The following MARCHF1 variants were observed in gnomAD, a reference collection of about 807,000 sequenced individuals.
The protein encoded by MARCHF1 is E3 ubiquitin-protein ligase MARCHF1.
A neutral mutation model predicts 54.2 loss-of-function variants in MARCHF1; 40 were observed. The observed-to-expected ratio is 0.74, with a 90% CI of 0.57 to 0.96. MARCHF1 has a LOEUF of 0.96. Ranked by LOEUF, MARCHF1 falls within the 40% of genes least tolerant of loss-of-function variation. MARCHF1 has a pLI of 0.00. For synonymous variants in MARCHF1, 236 were observed against 236.3 expected (o/e 1.00, Z 0.01); for missense variants, 586 against 656.5 (o/e 0.89, Z 1.17).
chr4:163,530,613 A>G (rs756427804), intron 9 of MARCHF1: 10 of 151,792 alleles, frequency 6.6e-5, no homozygotes, highest in Non-Finnish European at 1.5e-4. Flanking sequence ...AAAGCCTCTC[A>G]CTGTTGTTGA....
chr4:163,546,413 A>G (rs921652180), intron 8 of MARCHF1, among the ~76,000 whole-genome samples: 4 of 152,246 alleles, frequency 2.6e-5, no homozygotes, highest in Non-Finnish European at 4.4e-5. Context: ...ATATTGAACA[A>G]TTAAAAACTT....
chr4:164,271,881 C>T (rs1166501241), intron 1 of MARCHF1, among the ~76,000 whole-genome samples: 3 of 151,958 alleles, frequency 2.0e-5, no homozygotes, highest in African/African-American at 7.2e-5. Flanking sequence ...AACTGTAATA[C>T]TTGCAACATA....
At chr4:164,117,625 C>T (rs1048497199) in intron 1 of MARCHF1, among the ~76,000 whole-genome samples, 2 of 152,016 alleles carry the variant, frequency 1.3e-5, no homozygotes, top group Admixed American at 6.5e-5. Flanking sequence ...TGAAGCTGGG[C>T]ACGGTGGCTC....
At chr4:164,327,330 G>A (rs942680312) in intron 1 of MARCHF1, among the ~76,000 whole-genome samples, 12 of 152,102 alleles carry the variant, frequency 7.9e-5, no homozygotes, top group African/African-American at 1.7e-4. Flanking sequence ...CTGTTGAGAC[G>A]AGTCTTAAAG....
chr4:163,798,093 A>G lies in MARCHF1; in HGVS notation c.111+55928T>C, dbSNP rs572934862. On this transcript the variant is annotated intron_variant, in intron 4 of 9. Coordinates refer to ENST00000514618, the MANE Select transcript of MARCHF1 (RefSeq NM_001394959.1). ...TCATATATCAAAACCCTAATCACCA[A>G]TGTGGCTTATATTTGGATATAAGGC... Among the ~76,000 whole-genome samples the G allele has an allele frequency of 3.3e-5, 5 of 152,318 alleles. No homozygotes were observed. In the South Asian group the frequency reaches 8.3e-4, roughly 25 times the overall value.
At chr4:163,871,232 T>C (rs1750161922) in intron 3 of MARCHF1, among the ~76,000 whole-genome samples, 1 of 152,114 alleles carries the variant, frequency 6.6e-6, no homozygotes, top group African/African-American at 2.4e-5. Context: ...ACAGAGAAGG[T>C]ATTTTTCTTT....
intron 4 of MARCHF1, among the ~76,000 whole-genome samples, chr4:163,706,202 T>G (rs566725248): frequency 6.6e-6 from 1 of 152,146 alleles, no homozygotes; most frequent in South Asian, 2.1e-4. Flanking sequence ...TCCCATATAA[T>G]TTCTTACATG....
intron 1 of MARCHF1, among the ~76,000 whole-genome samples, chr4:164,255,060 CT>C (rs1335711753): frequency 6.6e-6 from 1 of 152,126 alleles, no homozygotes; most frequent in Non-Finnish European, 1.5e-5. Flanking sequence ...TGTTATAGAA[CT>C]ATACACATAC....
chr4:164,189,821 T>C (rs775462983), intron 1 of MARCHF1: 2 of 1,591,408 alleles, frequency 1.3e-6, no homozygotes, highest in Non-Finnish European at 1.7e-6. Context: ...GTACATTTGA[T>C]CTGACTGGAA....
At chr4:164,195,747 C>CCCTAT (rs1287065363) in intron 1 of MARCHF1, among the ~76,000 whole-genome samples, 2 of 152,224 alleles carry the variant, frequency 1.3e-5, no homozygotes, top group Non-Finnish European at 2.9e-5. Flanking sequence ...CACATATGGT[C>CCCTAT]CCTAGCTTGT....
chr4:164,099,035 C>A (rs949963641), intron 2 of MARCHF1, among the ~76,000 whole-genome samples: 19 of 152,172 alleles, frequency 1.2e-4, no homozygotes, highest in Non-Finnish European at 2.1e-4. Context: ...TGTGGAAAAT[C>A]ATTGAACCTC....
chr4:164,194,634 T>C (rs1354460412), intron 1 of MARCHF1, among the ~76,000 whole-genome samples: 1 of 152,198 alleles, frequency 6.6e-6, no homozygotes, highest in Non-Finnish European at 1.5e-5. Flanking sequence ...CACTGACTAA[T>C]ATCAAATGTT....
chr4:163,548,236 CAG>C (rs1174924086), intron 8 of MARCHF1, among the ~76,000 whole-genome samples: 13 of 152,156 alleles, frequency 8.5e-5, no homozygotes, highest in South Asian at 2.1e-4. Context: ...TTAATACAGA[CAG>C]ATAAAAAGTG....
At chr4:163,602,360 G>C (rs114524632) in intron 7 of MARCHF1, among the ~76,000 whole-genome samples, 141 of 152,146 alleles carry the variant, frequency 9.3e-4, no homozygotes, top group African/African-American at 3.1e-3. Flanking sequence ...ACTGAATTAT[G>C]TTAGTAATGT....
At chr4:163,930,602 T>C (rs1751650774) in intron 3 of MARCHF1, among the ~76,000 whole-genome samples, 1 of 151,908 alleles carries the variant, frequency 6.6e-6, no homozygotes, top group Non-Finnish European at 1.5e-5. Flanking sequence ...ATCCAATGCC[T>C]GTTCCACCAT....
chr4:164,226,422 G>C (rs1201333945), intron 1 of MARCHF1, among the ~76,000 whole-genome samples: 1 of 151,770 alleles, frequency 6.6e-6, no homozygotes, highest in Non-Finnish European at 1.5e-5. Flanking sequence ...TTGGGGAGTA[G>C]ACCAAAGACA....
chr4:163,967,117 A>G (rs1389400554), intron 3 of MARCHF1, among the ~76,000 whole-genome samples: 1 of 152,184 alleles, frequency 6.6e-6, no homozygotes, highest in Non-Finnish European at 1.5e-5. Flanking sequence ...GAGACTTGAA[A>G]GAAGAAATGT....
chr4:164,084,996 GAA>G (rs2111120624), intron 2 of MARCHF1, among the ~76,000 whole-genome samples: 1 of 151,766 alleles, frequency 6.6e-6, no homozygotes, highest in Non-Finnish European at 1.5e-5. Flanking sequence ...ACAAAGCCCA[GAA>G]AAGATATTTA....
chr4:164,193,568 T>A (rs1205335377), intron 1 of MARCHF1, among the ~76,000 whole-genome samples: 1 of 152,080 alleles, frequency 6.6e-6, no homozygotes, highest in East Asian at 1.9e-4. Flanking sequence ...TTCAATTGAG[T>A]AAATGGAATA....
Sources: allele counts gnomAD v4.1 joint callset (sites outside exome capture counted in the v4.1 genomes callset), GRCh38; gene constraint gnomAD v4.1.1; transcripts MANE v1.5; gene names NCBI Gene and HGNC (gene_info 2026-07-23, HGNC 2026-07-21).